GFRA2: variants seen among roughly 807,000 people sequenced by gnomAD.
GFRA2 encodes GDNF family receptor alpha-2.
GFRA2 carries 17 observed loss-of-function variants against 48.3 expected under a neutral mutation model. The observed-to-expected ratio is 0.35, with a 90% CI of 0.24 to 0.53. The LOEUF (loss-of-function observed/expected upper bound fraction) is 0.53, where lower values mean the gene tolerates loss of function less well. Ranked by LOEUF, GFRA2 falls within the 20% of genes least tolerant of loss-of-function variation. The pLI, the probability that GFRA2 is intolerant of heterozygous loss-of-function variation, is 0.93. For missense variants in GFRA2, 660 were observed against 637.3 expected (o/e 1.04, Z -0.38); for synonymous variants, 305 against 257.2 (o/e 1.19, Z -1.78).
intron 1 of GFRA2, among the ~76,000 whole-genome samples, chr8:21,787,792 A>G (rs1469291053): frequency 1.3e-5 from 2 of 152,122 alleles, no homozygotes; most frequent in Non-Finnish European, 1.5e-5. Flanking sequence ...AGTTGCCGCA[A>G]TTCGAACCCA....
chr8:21,709,603 C>T (rs1485274998), intron 4 of GFRA2, among the ~76,000 whole-genome samples: 1 of 152,132 alleles, frequency 6.6e-6, no homozygotes, highest in African/African-American at 2.4e-5. Context: ...GCCTGGGGGC[C>T]AGGGACTGGG....
intron 4 of GFRA2, among the ~76,000 whole-genome samples, chr8:21,715,583 T>C (rs4078157): frequency 0.62 from 94,913 of 152,064 alleles, 30,680 homozygotes; most frequent in East Asian, 0.78. Context: ...CAGGTGGTTC[T>C]ATTAAAGGCT....
chr8:21,748,385 G>A (rs1805114276), intron 4 of GFRA2, among the ~76,000 whole-genome samples: 1 of 151,942 alleles, frequency 6.6e-6, no homozygotes, highest in African/African-American at 2.4e-5. Flanking sequence ...CTCACCAAGT[G>A]CCAGGCTCTA....
At chr8:21,773,413 C>A (rs1806531972) in intron 3 of GFRA2, among the ~76,000 whole-genome samples, 1 of 152,210 alleles carries the variant, frequency 6.6e-6, no homozygotes. Flanking sequence ...ACCCACTGGC[C>A]AGTGCCTCCC....
chr8:21,731,377 G>T (rs1256953449), intron 4 of GFRA2, among the ~76,000 whole-genome samples: 1 of 152,150 alleles, frequency 6.6e-6, no homozygotes, highest in Non-Finnish European at 1.5e-5. Flanking sequence ...AGAAACAGAG[G>T]AATCTTGGGA....
intron 4 of GFRA2, among the ~76,000 whole-genome samples, chr8:21,714,440 T>G (rs1051786155): frequency 6.6e-6 from 1 of 151,614 alleles, no homozygotes; most frequent in African/African-American, 2.4e-5. Flanking sequence ...TTAGTAGAGA[T>G]AGGGTTTCGC....
At chr8:21,707,207 A>C (rs1266583407) in intron 4 of GFRA2, among the ~76,000 whole-genome samples, 1 of 152,222 alleles carries the variant, frequency 6.6e-6, no homozygotes, top group African/African-American at 2.4e-5. Context: ...TAGCTGCAGG[A>C]TGGACCAGAA....
chr8:21,711,690 T>TTTTTTTTTTTTTC (rs1261573011), intron 4 of GFRA2, among the ~76,000 whole-genome samples: 2 of 132,068 alleles, frequency 1.5e-5, no homozygotes, highest in African/African-American at 3.3e-5. Context: ...CAGTTTTTCT[T>TTTTTTTTTTTTTC]TTTTTTTTTT....
At chr8:21,796,438 G>A (rs1376505148) in intron 2 of GFRA2, among the ~76,000 whole-genome samples, 3 of 152,222 alleles carry the variant, frequency 2.0e-5, no homozygotes, top group African/African-American at 7.2e-5. Context: ...CAGCTCCACA[G>A]GCAGTATCTA....
Position 21,692,245 on chromosome 8 carries a change from G to T in GFRA2, c.*1033C>A, listed in dbSNP as rs577780655. On this transcript the variant is annotated 3_prime_UTR_variant, in exon 9 of 9. Coordinates refer to ENST00000524240, the MANE Select transcript of GFRA2 (RefSeq NM_001495.5). ...TGTTGCTTAAAAAAAGGAAAGAAAG[G>T]GGAAACCACACAATATATGTATATG... 1 of 152,310 alleles carries T rather than the reference G, an allele frequency of 6.6e-6. No individual in the cohort carries two copies. Among genetic ancestry groups the T allele is most frequent in the African/African-American group, 2.4e-5 (1 of 41,396 alleles). The allele number at this position is 152,310 out of a possible 1,614,324, so 9.4% of individuals were successfully genotyped here.
At chr8:21,780,769 C>G (rs1349886886) in intron 2 of GFRA2, 1 of 152,446 alleles carries the variant, frequency 6.6e-6, no homozygotes, top group African/African-American at 2.4e-5. Context: ...TGACTCCTCC[C>G]TCCCCTCCCC....
chr8:21,741,632 G>C (rs1001660544), intron 4 of GFRA2, among the ~76,000 whole-genome samples: 7 of 152,212 alleles, frequency 4.6e-5, no homozygotes, highest in Non-Finnish European at 8.8e-5. Context: ...AGCTGTTAAA[G>C]AAATAAGCTG....
intron 7 of GFRA2, among the ~76,000 whole-genome samples, chr8:21,697,040 GAGGAGA>G: frequency 7.0e-6 from 1 of 142,578 alleles, no homozygotes; most frequent in Admixed American, 6.9e-5. Flanking sequence ...GAGGAGAGGG[GAGGAGA>G]CAGAGGAGAG....
Position 21,768,870 on chromosome 8 carries a change from G to A in GFRA2, c.439+6102C>T, listed in dbSNP as rs1441486892. Among the ~76,000 whole-genome samples the A allele has an allele frequency of 2.0e-5, 3 of 152,150 alleles. No homozygotes were observed. The South Asian group carries it at 6.2e-4, about 32-fold the overall frequency. On this transcript the variant is annotated intron_variant, in intron 3 of 8. Transcript: ENST00000524240. ...TGTCCTGTCTGCCACAATGATCCCT[G>A]TTCACCGTCCCCTGAGCCCCCAGGC... is the stretch of plus-strand genomic sequence containing the variant.
chr8:21,804,706 G>C (rs943751287), intron 2 of GFRA2, among the ~76,000 whole-genome samples: 5 of 152,148 alleles, frequency 3.3e-5, no homozygotes, highest in Non-Finnish European at 7.3e-5. Context: ...TCTGCTAAGT[G>C]GGGCAGCGAC....
chr8:21,808,135 A>C (rs1807906950), intron 1 of GFRA2, among the ~76,000 whole-genome samples: 1 of 152,164 alleles, frequency 6.6e-6, no homozygotes, highest in Non-Finnish European at 1.5e-5. Flanking sequence ...AATATTTAAC[A>C]CATCCTCCGA....
At chr8:21,753,895 C>T (rs112354416) in intron 3 of GFRA2, among the ~76,000 whole-genome samples, 1,846 of 152,356 alleles carry the variant, frequency 0.012, 36 homozygotes, top group African/African-American at 0.043. Context: ...CCACCCCAGC[C>T]TCCTGGATCT....
rs1182871038 is a variant in GFRA2 at position 21,763,036 on chromosome 8, GA to G, written c.439+11935del. Among the ~76,000 whole-genome samples, 6 of 152,256 alleles carry G rather than the reference GA, an allele frequency of 3.9e-5. No individual in the cohort carries two copies. In the East Asian group the frequency reaches 1.2e-3, roughly 29 times the overall value. On this transcript the variant is annotated intron_variant, in intron 3 of 8. Transcript: ENST00000524240. The stretch of plus-strand genomic sequence containing the variant: ...ATCATAAGCTAAACTTTTGTTTACT[GA>G]TTATGAAATATACTTTTCTCACCAT...
chr8:21,725,680 C>T (rs1280962437), intron 4 of GFRA2, among the ~76,000 whole-genome samples: 1 of 152,188 alleles, frequency 6.6e-6, no homozygotes, highest in East Asian at 1.9e-4. Flanking sequence ...GTGCAAAATT[C>T]CCCACTTTAC....
Sources: allele counts gnomAD v4.1 joint callset (sites outside exome capture counted in the v4.1 genomes callset), GRCh38; gene constraint gnomAD v4.1.1; transcripts MANE v1.5; gene names NCBI Gene and HGNC (gene_info 2026-07-23, HGNC 2026-07-21).